HOXA3: variants seen among roughly 807,000 people sequenced by gnomAD.
HOXA3 encodes the protein homeobox protein Hox-A3.
Under a neutral mutation model 30.3 loss-of-function variants are expected in HOXA3, and 8 were observed. The ratio of observed to expected loss-of-function variants is 0.26; its 90% CI spans 0.15 to 0.48. The LOEUF (loss-of-function observed/expected upper bound fraction) is 0.48. Among genes scored for constraint, HOXA3 ranks in the 20% least tolerant of loss-of-function variants. HOXA3 has a pLI of 0.99. For missense variants in HOXA3, 653 were observed against 614.4 expected (o/e 1.06, Z -0.66); for synonymous variants, 323 against 273.1 (o/e 1.18, Z -1.80).
chr7:27,152,095 CGTG>C, intron 1 of HOXA3, among the ~76,000 whole-genome samples, 190 bp downstream of exon 1: 1 of 35,850 alleles, frequency 2.8e-5, no homozygotes, highest in Non-Finnish European at 2.4e-4. Context: ...TGTGTGTGTG[CGTG>C]CGCGCGTGTG....
chr7:27,126,828 A>G (rs1475117534), intron 3 of HOXA3, 58 bp downstream of exon 3: 1 of 152,254 alleles, frequency 6.6e-6, no homozygotes, highest in Non-Finnish European at 1.5e-5. Flanking sequence ...TGCAGCATGA[A>G]GCTAATGAAT....
intron 2 of HOXA3, among the ~76,000 whole-genome samples, chr7:27,139,630 G>GCGCGGCCCTCGGCGCC (rs1170697970): frequency 6.6e-6 from 1 of 152,136 alleles, no homozygotes; most frequent in Non-Finnish European, 1.5e-5. Flanking sequence ...CCTGAGCGCA[G>GCGCGGCCCTCGGCGCC]CGCGGCCCTC....
chr7:27,143,154 C>A (rs759000941), intron 1 of HOXA3: 1 of 1,609,598 alleles, frequency 6.2e-7, no homozygotes, highest in South Asian at 1.1e-5. Context: ...GCAGGGGCGT[C>A]CTCCTCGGCT....
rs889115467 is a variant in HOXA3 at position 27,108,454 on chromosome 7, T to C, written c.793A>G (p.Ser265Gly). The C allele has an allele frequency of 6.2e-7, 1 of 1,614,090 alleles. No individual in the cohort carries two copies. Among genetic ancestry groups the C allele is most frequent in the Non-Finnish European group, 8.5e-7 (1 of 1,179,968 alleles). Residue 265 changes from serine to glycine, a missense_variant, in exon 6 of 6, where the codon AGT becomes GGT. Around this residue, in one of 3 missense-constraint regions of HOXA3, gnomAD observed 330 missense variants for 274.4 expected, o/e 1.20. Transcript: ENST00000612286. This position sits in a 1 kb window ranked among gnomAD's most constrained non-coding sequence, Gnocchi z 5.0. ...MLTSSGGQSP[S>G]RSPVPPGAGG... ...GCTCCGGGGGGCACGGGGCTGCGACTTGGAGACTGGCCCCCCGATGACGTT... is the reference window on the plus strand; with the variant it reads ...GCTCCGGGGGGCACGGGGCTGCGACCTGGAGACTGGCCCCCCGATGACGTT...
chr7:27,143,510 T>C, intron 1 of HOXA3: 1 of 1,613,796 alleles, frequency 6.2e-7, no homozygotes. Flanking sequence ...GTCCCTGAAT[T>C]GCTCGCTCAC....
rs59078276 is a variant in HOXA3, at chr7:27,107,832, TAA to T, written c.*81_*82del. The T allele has an allele frequency of 0.24, 126,255 of 533,286 alleles. 89 individuals carry two copies. The highest frequency in any genetic ancestry group is 0.28 in the Middle Eastern group (523 of 1,852). The allele number at this position is 533,286 out of a possible 1,614,324, so 33.0% of individuals were successfully genotyped here. On this transcript the variant is annotated 3_prime_UTR_variant, in exon 6 of 6. Coordinates refer to ENST00000612286, the MANE Select transcript of HOXA3 (RefSeq NM_153631.3). The stretch of plus-strand genomic sequence containing the variant: ...AAGGAAGGAAAGGGCAGGAAGAACC[TAA>T]AAAAAAAAAAAAAAAAAAGCAACCA...
intron 4 of HOXA3, chr7:27,115,822 T>G (rs1784694053): frequency 6.6e-6 from 1 of 152,352 alleles, no homozygotes; most frequent in Admixed American, 6.5e-5. Context: ...GAAGTGGGGC[T>G]CCGACCTCAA....
At chr7:27,128,791 A>T in intron 2 of HOXA3, 1 of 215,044 alleles carries the variant, frequency 4.7e-6, no homozygotes, top group East Asian at 1.1e-4. Flanking sequence ...AGTTAAATAC[A>T]AGCTTGGATG....
At chr7:27,147,762 C>T (rs770322358) in intron 1 of HOXA3, 1 of 1,596,902 alleles carries the variant, frequency 6.3e-7, no homozygotes, top group Non-Finnish European at 8.5e-7. Context: ...GCGCGCCCCT[C>T]TGCAGGACTG....
intron 3 of HOXA3, among the ~76,000 whole-genome samples, chr7:27,124,825 C>T (rs1191789467): frequency 6.6e-6 from 1 of 152,146 alleles, no homozygotes; most frequent in East Asian, 1.9e-4. Context: ...TCATCCTTGC[C>T]CTGGTCTGAG....
intron 2 of HOXA3, among the ~76,000 whole-genome samples, chr7:27,139,779 A>G (rs1174098754): frequency 1.3e-5 from 2 of 152,174 alleles, no homozygotes; most frequent in East Asian, 1.9e-4. Flanking sequence ...ACACAGGCCC[A>G]TTCGCACACA....
intron 2 of HOXA3, chr7:27,129,393 G>A: frequency 1.2e-6 from 2 of 1,614,178 alleles, no homozygotes; most frequent in Non-Finnish European, 1.7e-6. Context: ...TCATCCTCCG[G>A]TTCTGAAACC....
At chr7:27,115,134 T>C (rs909312610) in intron 4 of HOXA3, among the ~76,000 whole-genome samples, 2 of 150,596 alleles carry the variant, frequency 1.3e-5, no homozygotes, top group East Asian at 4.0e-4. Context: ...GTGTTAAAAA[T>C]ATAAGTAGTA....
intron 1 of HOXA3, among the ~76,000 whole-genome samples, chr7:27,148,149 C>A (rs572860810): frequency 6.6e-6 from 1 of 152,266 alleles, no homozygotes; most frequent in Non-Finnish European, 1.5e-5. Context: ...CCTTCCTCCT[C>A]CCCTTTTTGC....
At chr7:27,130,043 C>T (rs1389744934) in intron 2 of HOXA3, 2 of 1,484,392 alleles carry the variant, frequency 1.3e-6, no homozygotes, top group Non-Finnish European at 1.8e-6. Flanking sequence ...CTGAGCCTCT[C>T]CCTCCTGACC....
Position 27,152,404 on chromosome 7 carries a change from C to T in HOXA3, c.-610G>A. On this transcript the variant is annotated 5_prime_UTR_variant, in exon 1 of 6. Transcript: ENST00000612286. ...AGGACGCAGGAAATTAGCCAGGTTG[C>T]GAGTTGCAAAGCTGCTGCCGCGGCG... 1.7e-6 allele frequency: 2 copies of T among 1,167,674 alleles called. No individual in the cohort carries two copies. The highest frequency in any genetic ancestry group is 3.2e-5 in the South Asian group (2 of 63,072). The allele number at this position is 1,167,674 out of a possible 1,614,324, so 72.3% of individuals were successfully genotyped here.
intron 2 of HOXA3, chr7:27,130,167 G>T: frequency 6.3e-7 from 1 of 1,598,138 alleles, no homozygotes. Flanking sequence ...CGGGCTCCTT[G>T]CCCTTCAGGC....
At chr7:27,120,308 C>T (rs1297011621) in intron 4 of HOXA3, among the ~76,000 whole-genome samples, 14 of 151,934 alleles carry the variant, frequency 9.2e-5, no homozygotes, top group African/African-American at 3.1e-4. Flanking sequence ...TTTGGGAGGC[C>T]GAGGTGGGTG....
Position 27,142,774 on chromosome 7 carries a change from C to T in HOXA3, c.-493-2588G>A, listed in dbSNP as rs757912192. 2.0e-3 allele frequency: 849 copies of T among 426,978 alleles called. 2 individuals are homozygous for T. Among genetic ancestry groups the T allele is most frequent in the Non-Finnish European group, 3.0e-3 (742 of 244,006 alleles). The allele number at this position is 426,978 out of a possible 1,614,324, so 26.4% of individuals were successfully genotyped here. A position where few individuals can be genotyped will look rare whatever the true frequency, so the allele number is the denominator to read the frequency against. ...CCTGACCCGGGAGCGCGTCCCAAGG[C>T]GTGGGGTTCCAGAGGGGTTTTTTGC... On this transcript the variant is annotated intron_variant, in intron 1 of 5. Coordinates refer to ENST00000612286, the MANE Select transcript of HOXA3 (RefSeq NM_153631.3).
Sources: gnomAD v4.1 joint callset for allele counts (sites outside exome capture counted in the v4.1 genomes callset) on GRCh38, gnomAD v4.1.1 for gene constraint, gnomAD v4.1.1 regional missense constraint, Gnocchi (gnomAD v3.1) non-coding constraint, MANE v1.5 for transcripts, NCBI Gene and HGNC (gene_info 2026-07-23, HGNC 2026-07-21) for gene names.